FGGY: variants seen among roughly 807,000 people sequenced by gnomAD.
The protein encoded by FGGY is FGGY carbohydrate kinase domain containing, also known as FGGY carbohydrate kinase domain-containing protein.
In FGGY, 72 loss-of-function variants were observed where a neutral mutation model predicts 71.3. That is an observed-to-expected ratio of 1.01 (90% CI 0.84 to 1.23). FGGY has a LOEUF of 1.23. FGGY is among the 50% of genes most tolerant of loss of function. The pLI is 0.00. For synonymous variants in FGGY, 251 were observed against 250.3 expected (o/e 1.00, Z -0.02); for missense variants, 668 against 682.3 (o/e 0.98, Z 0.23).
At chr1:59,721,251 T>C (rs572894350) in intron 14 of FGGY, among the ~76,000 whole-genome samples, 9 of 152,116 alleles carry the variant, frequency 5.9e-5, no homozygotes, top group Non-Finnish European at 1.2e-4. Flanking sequence ...ATATATTTTA[T>C]TTTAATAAAC....
chr1:59,302,390 C>G (rs528112333), intron 1 of FGGY, among the ~76,000 whole-genome samples: 2 of 152,080 alleles, frequency 1.3e-5, no homozygotes, highest in African/African-American at 4.8e-5. Context: ...TTCACAATAG[C>G]AAAGACATGG....
intron 9 of FGGY, among the ~76,000 whole-genome samples, chr1:59,618,682 G>T (rs1284821329): frequency 6.6e-6 from 1 of 152,060 alleles, no homozygotes; most frequent in Non-Finnish European, 1.5e-5. Context: ...GGGCCTAAGA[G>T]CTGACTGGAG....
chr1:59,700,268 T>A (rs2097698882), intron 14 of FGGY, among the ~76,000 whole-genome samples: 1 of 152,172 alleles, frequency 6.6e-6, no homozygotes. Flanking sequence ...TATAGATGAG[T>A]ATTATCTATC....
Position 59,341,968 on chromosome 1 carries a change from G to A in FGGY, c.313+1899G>A, listed in dbSNP as rs546647309. Among the ~76,000 whole-genome samples the A allele has an allele frequency of 3.3e-5, 5 of 152,240 alleles. No homozygotes were observed. In the South Asian group the frequency reaches 8.3e-4, roughly 25 times the overall value. On this transcript the variant is annotated intron_variant, in intron 3 of 15. Transcript: ENST00000303721. ...AGCCTGGAGAGCAATTGGCACGAGT[G>A]GGGTGGTGTTGGGGGCAGAGTTAGA...
intron 9 of FGGY, among the ~76,000 whole-genome samples, chr1:59,621,397 A>G (rs2096804678): frequency 6.6e-6 from 1 of 150,462 alleles, no homozygotes. Context: ...TTCTTTCTGA[A>G]AATTTGAGTT....
intron 8 of FGGY, among the ~76,000 whole-genome samples, chr1:59,597,957 G>A (rs990781461): frequency 6.6e-6 from 1 of 152,198 alleles, no homozygotes; most frequent in African/African-American, 2.4e-5. Context: ...ACCTCACTAC[G>A]TGATGTCAGA....
At chr1:59,673,538 G>A (rs2097402106) in intron 13 of FGGY, 1 of 154,978 alleles carries the variant, frequency 6.5e-6, no homozygotes, top group South Asian at 1.9e-4. Context: ...GAGGGGAGAA[G>A]CCCCTGGAGG....
intron 8 of FGGY, among the ~76,000 whole-genome samples, chr1:59,572,284 G>T (rs536972154): frequency 1.1e-4 from 16 of 152,070 alleles, no homozygotes; most frequent in Admixed American, 3.3e-4. Context: ...GAGGGAGTAG[G>T]GTTGTGCATG....
At chr1:59,373,482 C>G (rs1382353017) in intron 4 of FGGY, among the ~76,000 whole-genome samples, 1 of 152,106 alleles carries the variant, frequency 6.6e-6, no homozygotes, top group Non-Finnish European at 1.5e-5. Context: ...CCATACTGCC[C>G]AAGGTAATTT....
chr1:59,474,689 A>G (rs889784080), intron 6 of FGGY, among the ~76,000 whole-genome samples: 4 of 152,242 alleles, frequency 2.6e-5, no homozygotes, highest in African/African-American at 9.6e-5. Flanking sequence ...GACTTTGCCC[A>G]AGTCAGAGAC....
chr1:59,533,582 G>C (rs1029370215), intron 7 of FGGY, among the ~76,000 whole-genome samples: 37 of 152,216 alleles, frequency 2.4e-4, no homozygotes, highest in Non-Finnish European at 1.2e-4. Flanking sequence ...AACCTCTGCA[G>C]ACTTAAATGT....
chr1:59,557,693 A>G (rs1429850537), intron 8 of FGGY, among the ~76,000 whole-genome samples: 4 of 152,216 alleles, frequency 2.6e-5, no homozygotes, highest in African/African-American at 9.6e-5. Flanking sequence ...CCAAAACCCC[A>G]GATAATACAC....
intron 5 of FGGY, among the ~76,000 whole-genome samples, chr1:59,423,417 G>A (rs991157415): frequency 4.6e-5 from 7 of 152,036 alleles, no homozygotes; most frequent in Non-Finnish European, 8.8e-5. Flanking sequence ...CTCTGATACC[G>A]TGAAGATCAA....
rs185943267 is a variant in FGGY, at chr1:59,341,331, T to C, written c.313+1262T>C. 1.2e-4 allele frequency among the ~76,000 whole-genome samples: 19 copies of C among 152,350 alleles called. No homozygotes were observed. The East Asian group carries it at 3.1e-3, about 25-fold the overall frequency. On this transcript the variant is annotated intron_variant, in intron 3 of 15. Transcript: ENST00000303721. ...TAAGAGAATATTCCGGTCACTACTG[T>C]GGACCTAATGTATGAAATAGTGATT...
At chr1:59,563,557 A>G (rs1332600007) in intron 8 of FGGY, among the ~76,000 whole-genome samples, 2 of 152,334 alleles carry the variant, frequency 1.3e-5, no homozygotes, top group East Asian at 3.9e-4. Flanking sequence ...AAACAAATGG[A>G]AAAACATTCC....
Position 59,476,521 on chromosome 1 carries a change from C to A in FGGY, c.670+19445C>A, listed in dbSNP as rs187272702. On this transcript the variant is annotated intron_variant, in intron 6 of 15. Transcript: ENST00000303721. ...CGCTGATACAGCTGCAGTTCTCAGA[C>A]TAAGTTCAACAAGAGTCCCAGTCCT... Among the ~76,000 whole-genome samples the A allele has an allele frequency of 1.2e-3, 187 of 152,338 alleles. 1 individual carries two copies. The highest frequency in any genetic ancestry group is 3.4e-3 in the Middle Eastern group (1 of 294).
At chr1:59,360,120 TATC>T (rs201167031) in intron 4 of FGGY, among the ~76,000 whole-genome samples, 1,631 of 145,254 alleles carry the variant, frequency 0.011, 33 homozygotes, top group African/African-American at 0.042. Context: ...TTTATTTTTC[TATC>T]ATTGTTATTA....
At position 59,692,239 on chromosome 1, in the gene FGGY, C is replaced by T. The variant is rs572195403; in HGVS notation, c.1512+18106C>T. 3.9e-5 allele frequency among the ~76,000 whole-genome samples: 6 copies of T among 152,356 alleles called. No homozygotes were observed. In the South Asian group the frequency reaches 1.2e-3, roughly 32 times the overall value. Reference sequence around the variant, plus strand: ...TCTAAATCTCTGTCTCATTTCACCTCTTTGTAAATAATCATTGCTATTATG... The same window carrying T: ...TCTAAATCTCTGTCTCATTTCACCTTTTTGTAAATAATCATTGCTATTATG... On this transcript the variant is annotated intron_variant, in intron 14 of 15. Transcript: ENST00000303721.
chr1:59,489,878 A>T (rs1308854914), intron 6 of FGGY, among the ~76,000 whole-genome samples: 1 of 152,018 alleles, frequency 6.6e-6, no homozygotes. Flanking sequence ...CAGCATGTTA[A>T]TTTTTTGTCT....
Sources: gnomAD v4.1 joint callset for allele counts (sites outside exome capture counted in the v4.1 genomes callset) on GRCh38, gnomAD v4.1.1 for gene constraint, MANE v1.5 for transcripts, NCBI Gene and HGNC (gene_info 2026-07-23, HGNC 2026-07-21) for gene names.